Variants in RTN4 observed in about 807,000 individuals in gnomAD.
The protein encoded by RTN4 is reticulon-4.
A neutral mutation model predicts 90.4 loss-of-function variants in RTN4; 32 were observed. The observed-to-expected ratio is 0.35, with a 90% CI of 0.27 to 0.48. The LOEUF is 0.48. RTN4 is among the 20% of genes least tolerant of loss of function. RTN4 has a pLI of 0.99. For synonymous variants in RTN4, 629 were observed against 552.5 expected, an observed-to-expected ratio of 1.14 and a Z score of -1.94; for missense variants, 1,706 against 1,430.2, an observed-to-expected ratio of 1.19 and a Z score of -3.11.
At chr2:55,035,776 A>T (rs1682635853) in intron 1 of RTN4, among the ~76,000 whole-genome samples, 1 of 152,160 alleles carries the variant, frequency 6.6e-6, no homozygotes, top group African/African-American at 2.4e-5. Context: ...AGGTCCTAAA[A>T]ACGTAAGAGA....
chr2:55,024,423 G>C (rs779268561), intron 3 of RTN4, among the ~76,000 whole-genome samples: 9 of 152,090 alleles, frequency 5.9e-5, no homozygotes, highest in Non-Finnish European at 1.0e-4. Flanking sequence ...CACTATTTTA[G>C]AGAAAACGCA....
At chr2:55,100,579 A>G (rs968244014) in intron 1 of RTN4, among the ~76,000 whole-genome samples, 6 of 152,136 alleles carry the variant, frequency 3.9e-5, no homozygotes, top group African/African-American at 9.7e-5. Flanking sequence ...TTAGACCCCA[A>G]CAAAGCCTCA....
At chr2:55,069,999 T>G (rs888586490) in intron 2 of RTN4, among the ~76,000 whole-genome samples, 6 of 152,316 alleles carry the variant, frequency 3.9e-5, no homozygotes, top group Non-Finnish European at 7.3e-5. Context: ...TTGAACTCCC[T>G]TTTAAAATGT....
intron 1 of RTN4, among the ~76,000 whole-genome samples, chr2:55,095,810 T>A (rs1426882964): frequency 6.6e-6 from 1 of 152,246 alleles, no homozygotes; most frequent in Non-Finnish European, 1.5e-5. Context: ...GGATACCACA[T>A]TGCATTTAGT....
chr2:55,027,007 TTTTTC>T lies in RTN4; in HGVS notation c.1087_1091del (p.Glu363SerfsTer6), dbSNP rs752205373. ...TCTTTTCATTAAAACTGTCTTTTGC[TTTTTC>T]TGAAGACACAACTTCATCCTCTTTA... On this transcript the variant is annotated frameshift_variant, in exon 3 of 9. Coordinates refer to ENST00000337526, the MANE Select transcript of RTN4 (RefSeq NM_020532.5). LOFTEE classifies it high-confidence loss of function. 1 of 1,613,536 alleles carries T rather than the reference TTTTTC, an allele frequency of 6.2e-7. No individual in the cohort carries two copies.
At chr2:55,135,266 G>C in the RTN4 span, among the ~76,000 whole-genome samples, 2 of 148,948 alleles carry the variant, frequency 1.3e-5, no homozygotes, top group Admixed American at 1.3e-4. Flanking sequence ...GGAGTGCAGT[G>C]GCTCAATCTT....
intron 3 of RTN4, among the ~76,000 whole-genome samples, chr2:55,024,058 A>G (rs1186646894): frequency 6.6e-6 from 1 of 152,164 alleles, no homozygotes; most frequent in South Asian, 2.1e-4. Context: ...AGGTATGTAC[A>G]TCAATACCAA....
At chr2:55,044,206 T>C (rs1172216483) in intron 1 of RTN4, among the ~76,000 whole-genome samples, 1 of 152,110 alleles carries the variant, frequency 6.6e-6, no homozygotes, top group South Asian at 2.1e-4. Context: ...AAAATATAAA[T>C]ACATAAATAT....
chr2:55,064,310 G>A (rs1340545836), intron 2 of RTN4, among the ~76,000 whole-genome samples: 1 of 149,794 alleles, frequency 6.7e-6, no homozygotes, highest in Non-Finnish European at 1.5e-5. Flanking sequence ...CAGCACTTTG[G>A]CAACAATTAT....
the RTN4 span, among the ~76,000 whole-genome samples, chr2:55,134,462 C>A: frequency 6.6e-6 from 1 of 152,134 alleles, no homozygotes; most frequent in African/African-American, 2.4e-5. Flanking sequence ...GAGACAGCCC[C>A]CAGACTCACT....
chr2:55,111,297 G>A (rs1289810299), intron 1 of RTN4, among the ~76,000 whole-genome samples: 1 of 151,970 alleles, frequency 6.6e-6, no homozygotes, highest in African/African-American at 2.4e-5. Context: ...AGCAAGCACA[G>A]AGATAACAAA....
chr2:55,041,109 C>T (rs914028858), intron 1 of RTN4, among the ~76,000 whole-genome samples: 4 of 147,260 alleles, frequency 2.7e-5, no homozygotes, highest in Non-Finnish European at 4.5e-5. Flanking sequence ...AATGAAAAAG[C>T]AGGAAGACTT....
chr2:55,070,294 C>T (rs1332735493), intron 2 of RTN4, among the ~76,000 whole-genome samples: 9 of 151,804 alleles, frequency 5.9e-5, no homozygotes, highest in South Asian at 2.1e-4. Flanking sequence ...CACAGTGGCT[C>T]GCACCTGTAA....
chr2:55,058,669 GAA>G (rs1428483286), intron 2 of RTN4, among the ~76,000 whole-genome samples: 1 of 152,092 alleles, frequency 6.6e-6, no homozygotes, highest in Non-Finnish European at 1.5e-5. Context: ...GAAGCAGAAA[GAA>G]GAGGGAAAAT....
intron 1 of RTN4, among the ~76,000 whole-genome samples, chr2:55,082,913 T>C (rs374513833): frequency 2.6e-5 from 4 of 152,188 alleles, no homozygotes; most frequent in African/African-American, 9.6e-5. Flanking sequence ...ACCGCGCCAC[T>C]GCACTCCAGC....
intron 1 of RTN4, among the ~76,000 whole-genome samples, chr2:55,041,053 G>A (rs1318627839): frequency 6.7e-6 from 1 of 148,412 alleles, no homozygotes; most frequent in South Asian, 2.1e-4. Context: ...CAAGAGTACA[G>A]AGAATATTTC....
chr2:55,025,422 C>A lies in RTN4; in HGVS notation c.2677G>T (p.Glu893Ter). Residue 893 changes from glutamate (E) to a stop codon, truncating the protein, a stop_gained, in exon 3 of 9, where the codon GAA becomes TAA. Transcript: ENST00000337526. LOFTEE classifies it high-confidence loss of function. ...SKLAREYTDL[E>*]VSHKSEIANA... is the part of the protein sequence containing the mutation. ...GCAATTTCACTTTTGTGGGATACTT[C>A]TAGGTCAGTATATTCCCTGGCTAAT... 6.2e-7 allele frequency: 1 copy of A among 1,613,876 alleles called. No homozygotes were observed.
intron 1 of RTN4, among the ~76,000 whole-genome samples, chr2:55,040,928 T>G (rs897472200): frequency 5.3e-5 from 8 of 151,550 alleles, no homozygotes; most frequent in Non-Finnish European, 1.0e-4. Context: ...ATTCCATCAA[T>G]GAGAAAAACA....
chr2:55,125,923 T>G, the RTN4 span, among the ~76,000 whole-genome samples: 691 of 151,890 alleles, frequency 4.5e-3, 8 homozygotes, highest in African/African-American at 0.016. Context: ...TAGCCAGGCA[T>G]GGCAGCACAT....
Sources: gnomAD v4.1 joint callset for allele counts (sites outside exome capture counted in the v4.1 genomes callset) on GRCh38, gnomAD v4.1.1 for gene constraint, MANE v1.5 for transcripts, NCBI Gene and HGNC (gene_info 2026-07-23, HGNC 2026-07-21) for gene names.